Variants in POLA1 observed in about 807,000 individuals in gnomAD.
The protein encoded by POLA1 is DNA polymerase alpha catalytic subunit.
Under a neutral mutation model 124.0 loss-of-function variants are expected in POLA1, and 15 were observed. That is an observed-to-expected ratio of 0.12 (90% CI 0.08 to 0.19). The LOEUF is 0.19. Among genes scored for constraint, POLA1 ranks in the 10% least tolerant of loss-of-function variants. POLA1 has a pLI of 1.00. For synonymous variants in POLA1, 408 were observed against 389.4 expected, an observed-to-expected ratio of 1.05 and a Z score of -0.56; for missense variants, 886 against 1,103.4, an observed-to-expected ratio of 0.80 and a Z score of 2.79.
intron 35 of POLA1, among the ~76,000 whole-genome samples, chrX:24,895,494 A>C (rs1293278558): frequency 8.9e-6 from 1 of 112,613 alleles, no homozygotes; most frequent in African/African-American, 3.2e-5. Flanking sequence ...CCTTTCTAGA[A>C]GTTCCATTCA....
Position 24,853,004 on chromosome X carries a change from G to T in POLA1, c.4047+9327G>T, listed in dbSNP as rs150251493. 6.4e-4 allele frequency among the ~76,000 whole-genome samples: 72 copies of T among 112,443 alleles called. No individual in the cohort carries two copies. In the East Asian group the frequency reaches 0.019, roughly 30 times the overall value. On this transcript the variant is annotated intron_variant, in intron 34 of 36. Transcript: ENST00000379068. The stretch of plus-strand genomic sequence containing the variant: ...GATTTACATCTATATGTATACTAAC[G>T]ATTTATAAATCATGTGGATAAAGTT...
intron 36 of POLA1, among the ~76,000 whole-genome samples, chrX:24,950,365 C>T (rs1170944942): frequency 1.8e-5 from 2 of 111,993 alleles, no homozygotes; most frequent in African/African-American, 3.2e-5. Flanking sequence ...ACTGAATTTT[C>T]CATTTTACTT....
intron 36 of POLA1, among the ~76,000 whole-genome samples, chrX:24,972,032 G>A (rs1416269630): frequency 5.5e-5 from 6 of 109,055 alleles, no homozygotes; most frequent in African/African-American, 2.0e-4. Flanking sequence ...GCAATGGCAC[G>A]TTCTTGGCTC....
chrX:24,956,472 C>T (rs2048107903), intron 36 of POLA1, among the ~76,000 whole-genome samples: 1 of 110,087 alleles, frequency 9.1e-6, no homozygotes, highest in Non-Finnish European at 1.9e-5. Flanking sequence ...TTAAAAAGGG[C>T]AGCATTCCCA....
chrX:24,777,658 C>G (rs1449005187), intron 26 of POLA1, among the ~76,000 whole-genome samples: 1 of 112,149 alleles, frequency 8.9e-6, no homozygotes, highest in Non-Finnish European at 1.9e-5. Context: ...CTTTGGGGAT[C>G]TTGGGAAGAA....
intron 34 of POLA1, among the ~76,000 whole-genome samples, chrX:24,855,251 G>T (rs1373512470): frequency 6.3e-5 from 7 of 111,360 alleles, no homozygotes; most frequent in Admixed American, 1.9e-4. Context: ...TGTTACTTTT[G>T]GGGGGAGGGG....
At position 24,717,733 on chromosome X, in the gene POLA1, T is replaced by G; in HGVS notation, c.1062T>G (p.Ala354=). 8.3e-7 allele frequency: 1 copy of G among 1,204,981 alleles called. No individual in the cohort carries two copies. The highest frequency in any genetic ancestry group is 1.8e-5 in the South Asian group (1 of 55,883). ...TATTCCACTTTTATTGGTTGGATGC[T>G]TATGAGGATCAGTACAACCAACCAG... ...EQVFHFYWLD[A]YEDQYNQPGV... The change falls in exon 10 of 37, where the codon GCT becomes GCG. Residue 354 remains alanine (A), a synonymous_variant. Transcript: ENST00000379068.
At chrX:24,922,251 T>A (rs1400811888) in intron 35 of POLA1, among the ~76,000 whole-genome samples, 9 of 108,602 alleles carry the variant, frequency 8.3e-5, no homozygotes, top group South Asian at 8.4e-4. Context: ...GTTTATTTTT[T>A]TTTTTTTGTA....
At chrX:24,737,340 G>T (rs1200735656) in intron 18 of POLA1, among the ~76,000 whole-genome samples, 1 of 111,019 alleles carries the variant, frequency 9.0e-6, no homozygotes, top group Non-Finnish European at 1.9e-5. Context: ...AGACCGTAAG[G>T]CATGAGCTGC....
At chrX:24,803,234 T>C (rs973915831) in intron 26 of POLA1, among the ~76,000 whole-genome samples, 1 of 110,926 alleles carries the variant, frequency 9.0e-6, no homozygotes, top group Non-Finnish European at 1.9e-5. Context: ...TTGCTCTTCC[T>C]AGGAAGTGCT....
intron 34 of POLA1, among the ~76,000 whole-genome samples, chrX:24,848,056 G>A (rs561313106): frequency 4.5e-5 from 5 of 111,930 alleles, no homozygotes; most frequent in African/African-American, 1.6e-4. Flanking sequence ...AGGCAAAGAG[G>A]CATTAACCAG....
intron 35 of POLA1, among the ~76,000 whole-genome samples, chrX:24,898,097 AT>A (rs1242193493): frequency 8.9e-6 from 1 of 112,028 alleles, no homozygotes; most frequent in Non-Finnish European, 1.9e-5. Flanking sequence ...AGTAAATTAA[AT>A]TTTTTTCTCT....
At position 24,815,085 on chromosome X, in the gene POLA1, C is replaced by T; in HGVS notation, c.3403C>T (p.Pro1135Ser). 1 of 1,202,214 alleles carries T rather than the reference C, an allele frequency of 8.3e-7. No homozygotes were observed. Among genetic ancestry groups the T allele is most frequent in the South Asian group, 1.8e-5 (1 of 55,422 alleles). ...IGENVLNGSVPVSQFEINKAL... is the reference protein window; with the variant it reads ...IGENVLNGSVSVSQFEINKAL... ...AGAAAATGTGCTAAATGGCAGTGTCCCAGTGAGCCAGTTTGAAATTAACAA... is the reference window on the plus strand; with the variant it reads ...AGAAAATGTGCTAAATGGCAGTGTCTCAGTGAGCCAGTTTGAAATTAACAA... The change falls in exon 30 of 37, where the codon CCA (proline) becomes TCA (serine). Residue 1135 changes from proline (P) to serine (S), a missense_variant. By Grantham distance (74) the Pro-to-Ser change is moderately conservative. Around this residue, in one of 7 missense-constraint regions of POLA1, gnomAD observed 313 missense variants for 359.7 expected, o/e 0.87. Coordinates refer to ENST00000379068, the MANE Select transcript of POLA1 (RefSeq NM_001330360.2).
chrX:24,709,013 G>T (rs1602254802), intron 4 of POLA1, among the ~76,000 whole-genome samples: 2 of 94,966 alleles, frequency 2.1e-5, no homozygotes, highest in African/African-American at 7.6e-5. Flanking sequence ...CCGGGCAGGG[G>T]GGCTGACCCC....
chrX:24,803,653 C>A (rs2045752764), intron 26 of POLA1, among the ~76,000 whole-genome samples: 1 of 110,704 alleles, frequency 9.0e-6, no homozygotes, highest in Non-Finnish European at 1.9e-5. Context: ...GAAATATATC[C>A]TCACAACGCT....
At chrX:24,849,387 TTTGA>T (rs1420899174) in intron 34 of POLA1, among the ~76,000 whole-genome samples, 1 of 112,635 alleles carries the variant, frequency 8.9e-6, no homozygotes, top group Non-Finnish European at 1.9e-5. Flanking sequence ...CTTCATAGTA[TTTGA>T]TTGGGAAGCC....
chrX:24,937,176 G>A (rs1044345753), intron 36 of POLA1, among the ~76,000 whole-genome samples: 3 of 111,495 alleles, frequency 2.7e-5, no homozygotes, highest in Non-Finnish European at 3.8e-5. Flanking sequence ...GTAGAAATAC[G>A]TAAAGAATTT....
chrX:24,798,432 A>G (rs1048775697), intron 26 of POLA1, among the ~76,000 whole-genome samples: 7 of 111,285 alleles, frequency 6.3e-5, no homozygotes, highest in Admixed American at 9.6e-5. Flanking sequence ...CATGAAGATG[A>G]TGAGGATGAA....
At chrX:24,855,376 CAAGATA>C (rs2046630104) in intron 34 of POLA1, among the ~76,000 whole-genome samples, 2 of 111,705 alleles carry the variant, frequency 1.8e-5, no homozygotes, top group Non-Finnish European at 3.8e-5. Context: ...CTACCACAGT[CAAGATA>C]CAGAACAGGG....
Sources: gnomAD v4.1 joint callset for allele counts (sites outside exome capture counted in the v4.1 genomes callset) on GRCh38, gnomAD v4.1.1 for gene constraint, gnomAD v4.1.1 regional missense constraint, MANE v1.5 for transcripts, NCBI Gene and HGNC (gene_info 2026-07-23, HGNC 2026-07-21) for gene names.